HMGN3: variants seen among roughly 807,000 people sequenced by gnomAD.
The protein encoded by HMGN3 is high mobility group nucleosome-binding domain-containing protein 3.
HMGN3 carries 6 observed loss-of-function variants against 18.8 expected under a neutral mutation model. The observed-to-expected ratio is 0.32, with a 90% CI of 0.18 to 0.63. The LOEUF (loss-of-function observed/expected upper bound fraction) is 0.63, where lower values mean the gene tolerates loss of function less well. Ranked by LOEUF, HMGN3 falls within the 30% of genes least tolerant of loss-of-function variation. HMGN3 has a pLI of 0.79. For missense variants in HMGN3, 107 were observed against 114.2 expected (o/e 0.94, Z 0.29); for synonymous variants, 40 against 36.5 (o/e 1.10, Z -0.35).
intron 1 of HMGN3, among the ~76,000 whole-genome samples, chr6:79,220,593 C>T (rs549545874): frequency 6.6e-5 from 10 of 152,038 alleles, no homozygotes; most frequent in Non-Finnish European, 8.8e-5. Flanking sequence ...ATTACAGGTG[C>T]GTGCCACCAC....
At chr6:79,202,490 GT>G in intron 4 of HMGN3, 101 bp from the exon 5 acceptor site, 1 of 960,296 alleles carries the variant, frequency 1.0e-6, no homozygotes, top group Non-Finnish European at 1.6e-6. Flanking sequence ...AAGTACAACC[GT>G]TACCATCATG....
rs778547851 is a variant in HMGN3, at chr6:79,203,568, A to G, written c.147+12T>C. Reference sequence around the variant, plus strand: ...GTTTAAAAAGCCAAAAGTGGGAAACAGCACTTCTTACCTTAGCAGATGTTT... The same window carrying G: ...GTTTAAAAAGCCAAAAGTGGGAAACGGCACTTCTTACCTTAGCAGATGTTT... On this transcript the variant is annotated intron_variant, in intron 4 of 5. Transcript: ENST00000344726. 3 of 1,610,308 alleles carry G rather than the reference A, an allele frequency of 1.9e-6. No homozygotes were observed. The Admixed American group carries it at 5.0e-5, about 27-fold the overall frequency.
intron 2 of HMGN3, among the ~76,000 whole-genome samples, chr6:79,209,013 G>T (rs1345173913): frequency 6.6e-6 from 1 of 152,176 alleles, no homozygotes; most frequent in Non-Finnish European, 1.5e-5. Context: ...TTATGCAATT[G>T]TGTAGAAACC....
At chr6:79,223,676 A>C (rs1421023492) in intron 1 of HMGN3, among the ~76,000 whole-genome samples, 1 of 152,204 alleles carries the variant, frequency 6.6e-6, no homozygotes, top group Non-Finnish European at 1.5e-5. Context: ...TGTCTCAAAA[A>C]AAGAAAGAAG....
intron 2 of HMGN3, among the ~76,000 whole-genome samples, chr6:79,214,095 ACATCTTTGAAT>A: frequency 6.6e-6 from 1 of 152,276 alleles, no homozygotes; most frequent in South Asian, 2.1e-4. Context: ...TTAAAACAAA[ACATCTTTGAAT>A]CATTGCCTAA....
At chr6:79,224,394 T>C (rs1183894613) in intron 1 of HMGN3, among the ~76,000 whole-genome samples, 1 of 152,190 alleles carries the variant, frequency 6.6e-6, no homozygotes, top group Non-Finnish European at 1.5e-5. Flanking sequence ...GAACAAATGA[T>C]ATGTAAAGGA....
chr6:79,213,721 T>C (rs1776814235), intron 2 of HMGN3, among the ~76,000 whole-genome samples: 1 of 152,204 alleles, frequency 6.6e-6, no homozygotes, highest in Non-Finnish European at 1.5e-5. Flanking sequence ...TCTTTATAGG[T>C]TCTGTTTAAG....
intron 4 of HMGN3, among the ~76,000 whole-genome samples, chr6:79,202,880 T>G (rs1776214501): frequency 6.6e-6 from 1 of 152,182 alleles, no homozygotes; most frequent in Non-Finnish European, 1.5e-5. Flanking sequence ...GAAAAGTTCC[T>G]AATTTTAAGA....
At chr6:79,233,505 C>T (rs1034308692) in intron 1 of HMGN3, among the ~76,000 whole-genome samples, 10 of 152,176 alleles carry the variant, frequency 6.6e-5, no homozygotes, top group African/African-American at 2.4e-4. Context: ...TACCCACACT[C>T]GTTGACACTG....
At chr6:79,221,883 G>A (rs1371482995) in intron 1 of HMGN3, among the ~76,000 whole-genome samples, 1 of 151,732 alleles carries the variant, frequency 6.6e-6, no homozygotes, top group African/African-American at 2.4e-5. Context: ...AACCTTCATT[G>A]GTACATGTAG....
At chr6:79,233,785 C>G (rs1050513299) in intron 1 of HMGN3, 3 of 152,516 alleles carry the variant, frequency 2.0e-5, no homozygotes, top group African/African-American at 7.2e-5. Flanking sequence ...AGCGCGCGGA[C>G]CCCGCCTTCC....
intron 2 of HMGN3, among the ~76,000 whole-genome samples, chr6:79,213,591 T>C (rs374322785): frequency 6.6e-6 from 1 of 152,258 alleles, no homozygotes; most frequent in East Asian, 1.9e-4. Context: ...GGTTCTTGCA[T>C]GTGTGTGATG....
At chr6:79,205,348 C>T (rs529544797) in intron 3 of HMGN3, among the ~76,000 whole-genome samples, 35 of 152,268 alleles carry the variant, frequency 2.3e-4, no homozygotes, top group African/African-American at 8.4e-4. Context: ...TGTGAGGAAC[C>T]CAGTGGGAGG....
chr6:79,221,667 C>T (rs1300155345), intron 1 of HMGN3, among the ~76,000 whole-genome samples: 1 of 152,144 alleles, frequency 6.6e-6, no homozygotes, highest in Non-Finnish European at 1.5e-5. Context: ...TCCTTACACC[C>T]TTTCAACAGC....
chr6:79,228,228 A>C (rs1326683751), intron 1 of HMGN3, among the ~76,000 whole-genome samples: 2 of 152,212 alleles, frequency 1.3e-5, no homozygotes, highest in Non-Finnish European at 2.9e-5. Flanking sequence ...ATCAGACAGA[A>C]AAATCCTTAA....
chr6:79,203,470 G>A, intron 4 of HMGN3, 110 bp downstream of exon 4: 1 of 936,782 alleles, frequency 1.1e-6, no homozygotes. Context: ...CAGTGGTAAT[G>A]GTTTCAGTTT....
intron 2 of HMGN3, among the ~76,000 whole-genome samples, chr6:79,212,918 T>A (rs906792300): frequency 1.3e-5 from 2 of 152,202 alleles, no homozygotes; most frequent in African/African-American, 4.8e-5. Flanking sequence ...TAAATAACTG[T>A]GTTGATGTCC....
chr6:79,228,313 T>C (rs1326697670), intron 1 of HMGN3, among the ~76,000 whole-genome samples: 1 of 152,230 alleles, frequency 6.6e-6, no homozygotes, highest in Non-Finnish European at 1.5e-5. Context: ...GATGGTATCT[T>C]GCATAAAGGT....
At chr6:79,202,185 G>A (rs1464667082) in intron 5 of HMGN3, 30 bp from the exon 6 acceptor site, 14 of 1,606,252 alleles carry the variant, frequency 8.7e-6, no homozygotes, top group Non-Finnish European at 1.2e-5. Context: ...AATAAAAAGA[G>A]ACATTAAGAA....
Sources: gnomAD v4.1 joint callset for allele counts (sites outside exome capture counted in the v4.1 genomes callset) on GRCh38, gnomAD v4.1.1 for gene constraint, MANE v1.5 for transcripts, NCBI Gene and HGNC (gene_info 2026-07-23, HGNC 2026-07-21) for gene names.